Variants in QTMAN observed in about 807,000 individuals in gnomAD.
The protein encoded by QTMAN is tRNA-queuosine alpha-mannosyltransferase.
the QTMAN span, among the ~76,000 whole-genome samples, chr2:143,978,598 C>A: frequency 6.6e-6 from 1 of 152,136 alleles, no homozygotes; most frequent in East Asian, 1.9e-4. Context: ...AACTGGTGGG[C>A]CATGAAGTGT....
the QTMAN span, among the ~76,000 whole-genome samples, chr2:144,036,519 A>G: frequency 1.3e-5 from 2 of 152,198 alleles, no homozygotes; most frequent in South Asian, 2.1e-4. Context: ...ATTATATATC[A>G]TATTACATTT....
the QTMAN span, among the ~76,000 whole-genome samples, chr2:144,154,438 A>C: frequency 2.2e-4 from 34 of 152,328 alleles, no homozygotes; most frequent in Non-Finnish European, 4.4e-4. Context: ...TAGCTTACAT[A>C]ATCAGATAGT....
the QTMAN span, among the ~76,000 whole-genome samples, chr2:144,109,710 C>T: frequency 1.3e-5 from 2 of 151,818 alleles, no homozygotes; most frequent in Non-Finnish European, 1.5e-5. Flanking sequence ...AAAAAACAAC[C>T]CCACCAAAAA....
At chr2:144,193,978 G>A in the QTMAN span, among the ~76,000 whole-genome samples, 3 of 152,052 alleles carry the variant, frequency 2.0e-5, no homozygotes, top group Admixed American at 6.6e-5. Context: ...ACCTATATCT[G>A]AGGAATAAAA....
At chr2:144,204,520 T>C in the QTMAN span, among the ~76,000 whole-genome samples, 56 of 152,176 alleles carry the variant, frequency 3.7e-4, no homozygotes, top group Admixed American at 3.5e-3. Flanking sequence ...TGTGGAGAAA[T>C]AGGAACACTT....
At chr2:144,204,925 T>C in the QTMAN span, among the ~76,000 whole-genome samples, 284 of 133,606 alleles carry the variant, frequency 2.1e-3, 1 homozygote, top group African/African-American at 7.6e-3. Context: ...TTCTCACTCA[T>C]AGGTGGGAAT....
At chr2:144,213,034 C>T in the QTMAN span, among the ~76,000 whole-genome samples, 1 of 152,040 alleles carries the variant, frequency 6.6e-6, no homozygotes, top group Admixed American at 6.6e-5. Flanking sequence ...AAAGGGGATA[C>T]AATGTGAAAA....
chr2:144,011,842 T>C, the QTMAN span: 1 of 537,454 alleles, frequency 1.9e-6, no homozygotes, highest in Non-Finnish European at 2.4e-6. Flanking sequence ...GGTCCCGAGG[T>C]AAGAAGTGAA....
chr2:144,211,984 G>T, the QTMAN span, among the ~76,000 whole-genome samples: 67 of 152,300 alleles, frequency 4.4e-4, no homozygotes, highest in Middle Eastern at 0.01. Flanking sequence ...CCTCACTGTT[G>T]AAAGTGCTAA....
At chr2:143,964,869 C>A in the QTMAN span, among the ~76,000 whole-genome samples, 1 of 152,144 alleles carries the variant, frequency 6.6e-6, no homozygotes, top group African/African-American at 2.4e-5. Flanking sequence ...TGTAACCTTT[C>A]TGGCTGCCCT....
the QTMAN span, among the ~76,000 whole-genome samples, chr2:144,217,145 G>T: frequency 6.6e-6 from 1 of 152,058 alleles, no homozygotes; most frequent in African/African-American, 2.4e-5. Flanking sequence ...ATTCGGATAC[G>T]AATGCCCAAG....
At chr2:144,239,913 T>C in the QTMAN span, among the ~76,000 whole-genome samples, 1 of 152,206 alleles carries the variant, frequency 6.6e-6, no homozygotes, top group South Asian at 2.1e-4. Context: ...ATAAAAGCAT[T>C]AGATCTCTGT....
chr2:144,306,800 A>G, the QTMAN span, among the ~76,000 whole-genome samples: 1 of 152,228 alleles, frequency 6.6e-6, no homozygotes, highest in Non-Finnish European at 1.5e-5. Context: ...TTTATCATAA[A>G]AATGCAAAGA....
the QTMAN span, among the ~76,000 whole-genome samples, chr2:143,961,186 A>G: frequency 6.6e-6 from 1 of 152,078 alleles, no homozygotes; most frequent in Non-Finnish European, 1.5e-5. Flanking sequence ...GGAAAAACTC[A>G]CTAGTTGGAT....
At chr2:144,161,077 G>T in the QTMAN span, among the ~76,000 whole-genome samples, 1 of 152,106 alleles carries the variant, frequency 6.6e-6, no homozygotes, top group Non-Finnish European at 1.5e-5. Context: ...CGAAAGAAAA[G>T]GTAACATGTG....
the QTMAN span, among the ~76,000 whole-genome samples, chr2:144,012,273 T>C: frequency 1.3e-5 from 2 of 152,126 alleles, no homozygotes; most frequent in South Asian, 2.1e-4. Context: ...TAGATCTAAA[T>C]GTATACCCCT....
the QTMAN span, among the ~76,000 whole-genome samples, chr2:143,983,663 C>T: frequency 3.3e-5 from 5 of 151,902 alleles, no homozygotes; most frequent in South Asian, 1.0e-3. Flanking sequence ...TTAGTAGAGA[C>T]GGGGTTTCAC....
At chr2:144,061,872 C>T in the QTMAN span, among the ~76,000 whole-genome samples, 1 of 152,020 alleles carries the variant, frequency 6.6e-6, no homozygotes, top group African/African-American at 2.4e-5. Context: ...GTCTGAACAT[C>T]GAGAGGAGTT....
At chr2:143,974,483 C>G in the QTMAN span, among the ~76,000 whole-genome samples, 1 of 151,972 alleles carries the variant, frequency 6.6e-6, no homozygotes, top group East Asian at 1.9e-4. Flanking sequence ...ATATATGATG[C>G]AATACCATGC....
Sources: allele counts gnomAD v4.1 joint callset (sites outside exome capture counted in the v4.1 genomes callset), GRCh38; gene constraint gnomAD v4.1.1; transcripts MANE v1.5; gene names NCBI Gene and HGNC (gene_info 2026-07-23, HGNC 2026-07-21).